The following CCDC60 variants were observed in gnomAD, a reference collection of about 807,000 sequenced individuals.
The protein encoded by CCDC60 is coiled-coil domain-containing protein 60.
Under a neutral mutation model 63.5 loss-of-function variants are expected in CCDC60, and 54 were observed. The ratio of observed to expected loss-of-function variants is 0.85; its 90% confidence interval spans 0.68 to 1.07. CCDC60 has a LOEUF of 1.07. CCDC60 is among the 50% of genes least tolerant of loss of function. CCDC60 has a pLI of 0.00. For synonymous variants in CCDC60, 206 were observed against 238.8 expected, an observed-to-expected ratio of 0.86 and a Z score of 1.27; for missense variants, 651 against 684.3, an observed-to-expected ratio of 0.95 and a Z score of 0.54.
chr12:119,428,803 C>T, intron 2 of CCDC60, 41 bp downstream of exon 2: 2 of 1,287,502 alleles, frequency 1.6e-6, no homozygotes, highest in South Asian at 2.5e-5. Flanking sequence ...GACAACCCAA[C>T]AGGCATGAGC....
intron 4 of CCDC60, among the ~76,000 whole-genome samples, chr12:119,487,621 C>G (rs1951483974): frequency 6.6e-6 from 1 of 151,910 alleles, no homozygotes; most frequent in Admixed American, 6.6e-5. Flanking sequence ...AAATGAGATA[C>G]TGAGAACCAT....
At position 119,475,621 on chromosome 12, in the gene CCDC60, A is replaced by G. The variant is rs1951159488; in HGVS notation, c.341+3457A>G. Reference sequence around the variant, plus strand: ...CAGCATTAGGAGATTGTCTACACCCAGACAGGGTAGTAGTGGTGAAGTACA... The same window carrying G: ...CAGCATTAGGAGATTGTCTACACCCGGACAGGGTAGTAGTGGTGAAGTACA... On this transcript the variant is annotated intron_variant, in intron 3 of 13. Coordinates refer to ENST00000327554, the MANE Select transcript of CCDC60 (RefSeq NM_178499.5). Among the ~76,000 whole-genome samples the G allele has an allele frequency of 5.3e-5, 8 of 152,214 alleles. No homozygotes were observed. The South Asian group carries it at 1.7e-3, about 32-fold the overall frequency.
chr12:119,458,344 G>A (rs1303080799), intron 2 of CCDC60, among the ~76,000 whole-genome samples: 1 of 152,154 alleles, frequency 6.6e-6, no homozygotes, highest in Non-Finnish European at 1.5e-5. Context: ...TGGCTTTATA[G>A]CCCCATATTT....
intron 2 of CCDC60, among the ~76,000 whole-genome samples, chr12:119,449,717 T>G (rs991501882): frequency 6.6e-6 from 1 of 152,022 alleles, no homozygotes; most frequent in African/African-American, 2.4e-5. Context: ...AGTCTAGTGG[T>G]GGGTGTGGGA....
chr12:119,406,177 AT>A (rs1162505076), intron 1 of CCDC60, among the ~76,000 whole-genome samples: 55 of 87,800 alleles, frequency 6.3e-4, no homozygotes, highest in African/African-American at 1.8e-3. Context: ...GTCTCAAAAA[AT>A]ATATATATAT....
intron 1 of CCDC60, among the ~76,000 whole-genome samples, chr12:119,418,562 A>G (rs994943622): frequency 1.8e-4 from 27 of 151,060 alleles, no homozygotes; most frequent in Admixed American, 1.4e-3. Flanking sequence ...CTACAGGTGC[A>G]CGCCACCACG....
At chr12:119,363,742 C>A (rs1035475477) in intron 1 of CCDC60, among the ~76,000 whole-genome samples, 5 of 152,132 alleles carry the variant, frequency 3.3e-5, no homozygotes, top group Non-Finnish European at 5.9e-5. Context: ...GTAGTGCAGA[C>A]CTGCTGGTGG....
intron 1 of CCDC60, among the ~76,000 whole-genome samples, chr12:119,406,791 C>T (rs1044916093): frequency 6.6e-6 from 1 of 152,142 alleles, no homozygotes; most frequent in Non-Finnish European, 1.5e-5. Context: ...CCTACATACC[C>T]CCACTGATCC....
At chr12:119,427,400 C>T (rs1215456237) in intron 1 of CCDC60, among the ~76,000 whole-genome samples, 4 of 152,208 alleles carry the variant, frequency 2.6e-5, no homozygotes, top group Non-Finnish European at 5.9e-5. Flanking sequence ...ATTATGTTGC[C>T]GTTATACTTA....
intron 4 of CCDC60, among the ~76,000 whole-genome samples, chr12:119,480,444 T>C (rs1402712443): frequency 6.6e-6 from 1 of 152,240 alleles, no homozygotes; most frequent in Non-Finnish European, 1.5e-5. Context: ...CCAAGTTTCC[T>C]ATACTTGAAG....
Position 119,491,549 on chromosome 12 carries a change from C to T in CCDC60, c.557+2683C>T, listed in dbSNP as rs183966679. ...TTCACCATGTTAGCCAGGATGGTCTCGATCTCCTGACCTCGTGATCTGCCC... is the reference window on the plus strand; with the variant it reads ...TTCACCATGTTAGCCAGGATGGTCTTGATCTCCTGACCTCGTGATCTGCCC... On this transcript the variant is annotated intron_variant, in intron 5 of 13. Coordinates refer to ENST00000327554, the MANE Select transcript of CCDC60 (RefSeq NM_178499.5). Among the ~76,000 whole-genome samples, 174 of 152,090 alleles carry T rather than the reference C, an allele frequency of 1.1e-3. 1 individual carries two copies. The East Asian group carries it at 0.024, about 21-fold the overall frequency.
At chr12:119,538,072 C>A (rs2136561244) in intron 13 of CCDC60, among the ~76,000 whole-genome samples, 1 of 152,368 alleles carries the variant, frequency 6.6e-6, no homozygotes, top group East Asian at 1.9e-4. Flanking sequence ...GTGGACTCCA[C>A]CCAGTTCGAG....
At chr12:119,348,792 A>G (rs576400688) in intron 1 of CCDC60, among the ~76,000 whole-genome samples, 1 of 152,298 alleles carries the variant, frequency 6.6e-6, no homozygotes, top group South Asian at 2.1e-4. Flanking sequence ...GAGAAAAGAA[A>G]TCTCCTCCTG....
At chr12:119,529,960 G>A (rs544387300) in intron 12 of CCDC60, among the ~76,000 whole-genome samples, 42 of 152,226 alleles carry the variant, frequency 2.8e-4, no homozygotes, top group African/African-American at 9.4e-4. Context: ...AAACCACAGC[G>A]TCGTAAGGAT....
chr12:119,398,744 A>T (rs1956332989), intron 1 of CCDC60, among the ~76,000 whole-genome samples: 1 of 152,232 alleles, frequency 6.6e-6, no homozygotes, highest in African/African-American at 2.4e-5. Context: ...TGTCTTGAGG[A>T]TCCCTTTATA....
intron 1 of CCDC60, among the ~76,000 whole-genome samples, chr12:119,402,599 C>T (rs1299468731): frequency 6.6e-6 from 1 of 152,096 alleles, no homozygotes; most frequent in African/African-American, 2.4e-5. Context: ...AAATATATTG[C>T]AAGGGTAAAT....
intron 1 of CCDC60, among the ~76,000 whole-genome samples, chr12:119,406,581 G>A (rs1195971606): frequency 6.6e-6 from 1 of 151,432 alleles, no homozygotes; most frequent in Admixed American, 6.6e-5. Flanking sequence ...GGAGGAGAGA[G>A]AAAACAGCAT....
At chr12:119,483,353 C>G (rs1188576563) in intron 4 of CCDC60, among the ~76,000 whole-genome samples, 1 of 152,220 alleles carries the variant, frequency 6.6e-6, no homozygotes, top group Admixed American at 6.5e-5. Flanking sequence ...GTGATCGATC[C>G]CAAAAGTGGC....
chr12:119,513,417 G>A (rs1378723468), intron 7 of CCDC60, among the ~76,000 whole-genome samples: 2 of 152,140 alleles, frequency 1.3e-5, no homozygotes, highest in Non-Finnish European at 2.9e-5. Flanking sequence ...AAATCCATAG[G>A]AGAGAATAGT....
Sources: allele counts gnomAD v4.1 joint callset (sites outside exome capture counted in the v4.1 genomes callset), GRCh38; gene constraint gnomAD v4.1.1; transcripts MANE v1.5; gene names NCBI Gene and HGNC (gene_info 2026-07-23, HGNC 2026-07-21).